Variants in TIAM1 observed in about 807,000 individuals in gnomAD.
TIAM1 encodes rho guanine nucleotide exchange factor TIAM1.
TIAM1 carries 65 observed loss-of-function variants against 163.5 expected under a neutral mutation model. The observed-to-expected ratio is 0.40, with a 90% CI of 0.33 to 0.49. The LOEUF is 0.49. Among genes scored for constraint, TIAM1 ranks in the 20% least tolerant of loss-of-function variants. The pLI, the probability that TIAM1 is intolerant of heterozygous loss-of-function variation, is 0.77. For synonymous variants in TIAM1, 833 were observed against 810.1 expected, an observed-to-expected ratio of 1.03 and a Z score of -0.48; for missense variants, 1,789 against 2,044.7, an observed-to-expected ratio of 0.87 and a Z score of 2.41.
chr21:31,146,777 TG>T, intron 20 of TIAM1, 117 bp downstream of exon 20: 1 of 731,142 alleles, frequency 1.4e-6, no homozygotes, highest in Non-Finnish European at 2.4e-6. Flanking sequence ...AGTGGCTTGC[TG>T]GAACATCTAT....
chr21:31,244,824 T>G (rs1490116337), intron 6 of TIAM1, among the ~76,000 whole-genome samples: 1 of 152,190 alleles, frequency 6.6e-6, no homozygotes, highest in African/African-American at 2.4e-5. Flanking sequence ...AAATAATTCT[T>G]CAATGGAATC....
chr21:31,384,821 T>C (rs1426987728), intron 2 of TIAM1, among the ~76,000 whole-genome samples: 1 of 152,156 alleles, frequency 6.6e-6, no homozygotes, highest in East Asian at 1.9e-4. Flanking sequence ...AAAACCATGT[T>C]TCATCTTTAC....
intron 2 of TIAM1, among the ~76,000 whole-genome samples, chr21:31,425,887 AG>A (rs1263449633): frequency 2.0e-5 from 3 of 151,834 alleles, no homozygotes; most frequent in African/African-American, 4.8e-5. Flanking sequence ...TAATAGAGAT[AG>A]GGTTTTGCTA....
intron 5 of TIAM1, among the ~76,000 whole-genome samples, chr21:31,251,494 A>C (rs565612989): frequency 1.3e-5 from 2 of 152,280 alleles, no homozygotes; most frequent in East Asian, 3.9e-4. Context: ...AGCCCAGATG[A>C]CTAGATTCTA....
At chr21:31,234,556 G>A (rs1171780178) in intron 6 of TIAM1, among the ~76,000 whole-genome samples, 2 of 152,116 alleles carry the variant, frequency 1.3e-5, no homozygotes, top group Non-Finnish European at 2.9e-5. Flanking sequence ...TGAGGCAGGT[G>A]GATCACTTGA....
intron 1 of TIAM1, among the ~76,000 whole-genome samples, chr21:31,485,493 G>C (rs539368923): frequency 6.6e-6 from 1 of 152,284 alleles, no homozygotes; most frequent in Admixed American, 6.5e-5. Context: ...AGTGTGGAGA[G>C]AGGAGGCAGA....
intron 2 of TIAM1, among the ~76,000 whole-genome samples, chr21:31,292,729 G>T (rs9983168): frequency 6.6e-6 from 1 of 150,528 alleles, no homozygotes; most frequent in African/African-American, 2.5e-5. Flanking sequence ...AGTGCAACGC[G>T]GTGATCTCAG....
chr21:31,154,514 C>T, intron 16 of TIAM1, 88 bp from the exon 17 acceptor site: 1 of 1,378,338 alleles, frequency 7.3e-7, no homozygotes, highest in East Asian at 2.3e-5. Flanking sequence ...GGTGTTCTCC[C>T]TGGTTAGTCA....
chr21:31,410,676 CAG>C (rs1363010693), intron 2 of TIAM1, among the ~76,000 whole-genome samples: 18 of 150,310 alleles, frequency 1.2e-4, no homozygotes, highest in African/African-American at 1.7e-4. Flanking sequence ...ATGTACGAGA[CAG>C]GGCGTGAGAG....
intron 1 of TIAM1, among the ~76,000 whole-genome samples, chr21:31,472,723 T>C (rs1467345360): frequency 2.0e-5 from 3 of 152,228 alleles, no homozygotes; most frequent in Admixed American, 6.5e-5. Flanking sequence ...TGTAATTTAA[T>C]GTTCCTAAAC....
At chr21:31,413,259 C>CTTTTT (rs2043263648) in intron 2 of TIAM1, among the ~76,000 whole-genome samples, 1 of 128,756 alleles carries the variant, frequency 7.8e-6, no homozygotes, top group African/African-American at 3.1e-5. Flanking sequence ...CTTTTCTTTT[C>CTTTTT]TTTTCTTTTT....
chr21:31,326,731 T>G (rs1009813506), intron 2 of TIAM1, among the ~76,000 whole-genome samples: 2 of 152,244 alleles, frequency 1.3e-5, no homozygotes, highest in African/African-American at 2.4e-5. Context: ...GCAATCCCCC[T>G]AAGTTTCTTG....
chr21:31,183,696 AT>A (rs537476967), intron 14 of TIAM1, among the ~76,000 whole-genome samples: 529 of 140,630 alleles, frequency 3.8e-3, no homozygotes, highest in East Asian at 7.6e-3. Flanking sequence ...ATCTGAAATC[AT>A]TTTTTTTTTT....
chr21:31,152,919 C>G, intron 18 of TIAM1, 147 bp downstream of exon 18: 1 of 1,260,512 alleles, frequency 7.9e-7, no homozygotes, highest in Non-Finnish European at 1.1e-6. Flanking sequence ...ATGAGCACAC[C>G]AAAGCTTAGC....
intron 15 of TIAM1, among the ~76,000 whole-genome samples, chr21:31,180,197 C>A (rs1352806730): frequency 6.6e-6 from 1 of 151,962 alleles, no homozygotes; most frequent in Non-Finnish European, 1.5e-5. Context: ...TGAGCCACTG[C>A]GCCCGGTAGA....
chr21:31,473,757 C>T lies in TIAM1; in HGVS notation c.-421-9722G>A, dbSNP rs2045840335. Among the ~76,000 whole-genome samples, 2 of 152,050 alleles carry T rather than the reference C, an allele frequency of 1.3e-5. 1 individual carries two copies. The highest frequency in any genetic ancestry group is 4.2e-4 in the South Asian group (2 of 4,818). ...ATTGAGACAATCACTAAATCAGTGGCCTCCACTGTCCGTAACAAAGTCTGA... is the reference window on the plus strand; with the variant it reads ...ATTGAGACAATCACTAAATCAGTGGTCTCCACTGTCCGTAACAAAGTCTGA... On this transcript the variant is annotated intron_variant, in intron 1 of 28. Coordinates refer to the TIAM1 transcript ENST00000286827.
At position 31,354,925 on chromosome 21, in the gene TIAM1, T is replaced by G. The variant is rs542305084; in HGVS notation, c.-368-15503A>C. Among the ~76,000 whole-genome samples, 4 of 152,324 alleles carry G rather than the reference T, an allele frequency of 2.6e-5. No individual in the cohort carries two copies. The South Asian group carries it at 8.3e-4, about 32-fold the overall frequency. ...AAGTCATCTCTGACTTTTATTTTTC[T>G]CAGCCTCAACAACTTCACACACCTT... is the stretch of plus-strand genomic sequence containing the variant. On this transcript the variant is annotated intron_variant, in intron 2 of 28. Transcript: ENST00000286827.
chr21:31,329,851 G>C lies in TIAM1; in HGVS notation c.-189+9392C>G, dbSNP rs182966915. ...ATGCAGTGCTGTGTCTCCTCAATTT[G>C]GTTTGAATGTTGTTGCTGTTTCATA... On this transcript the variant is annotated intron_variant, in intron 2 of 27. Transcript: ENST00000541036. Among the ~76,000 whole-genome samples, 3 of 152,250 alleles carry C rather than the reference G, an allele frequency of 2.0e-5. No individual in the cohort carries two copies. The East Asian group carries it at 5.8e-4, about 29-fold the overall frequency.
At chr21:31,207,678 T>C (rs912083888) in intron 11 of TIAM1, among the ~76,000 whole-genome samples, 2 of 152,216 alleles carry the variant, frequency 1.3e-5, no homozygotes, top group South Asian at 2.1e-4. Context: ...TTTTCCTACA[T>C]GGGTGCTTTT....
Sources: allele counts gnomAD v4.1 joint callset (sites outside exome capture counted in the v4.1 genomes callset), GRCh38; gene constraint gnomAD v4.1.1; transcripts MANE v1.5; gene names NCBI Gene and HGNC (gene_info 2026-07-23, HGNC 2026-07-21).